Variants in IGF2BP2 observed in about 807,000 individuals in gnomAD.
The protein encoded by IGF2BP2 is insulin like growth factor 2 mRNA binding protein 2.
IGF2BP2 carries 17 observed loss-of-function variants against 75.8 expected under a neutral mutation model. That is an observed-to-expected ratio of 0.22 (90% confidence interval 0.15 to 0.34). The LOEUF is 0.34. Among genes scored for constraint, IGF2BP2 ranks in the 10% least tolerant of loss-of-function variants. The pLI is 1.00. For missense variants in IGF2BP2, 516 were observed against 772.4 expected, an observed-to-expected ratio of 0.67 and a Z score of 3.93; for synonymous variants, 288 against 295.6, an observed-to-expected ratio of 0.97 and a Z score of 0.26.
intron 2 of IGF2BP2, among the ~76,000 whole-genome samples, chr3:185,819,943 T>C (rs1413639164): frequency 6.6e-6 from 1 of 151,996 alleles, no homozygotes; most frequent in African/African-American, 2.4e-5. Flanking sequence ...AACATTCCTA[T>C]AGGAGACCAA....
intron 2 of IGF2BP2, among the ~76,000 whole-genome samples, chr3:185,707,179 C>T (rs920833032): frequency 1.6e-3 from 181 of 115,988 alleles, no homozygotes; most frequent in African/African-American, 5.7e-3. Flanking sequence ...GAGCCAAGAT[C>T]GCATCACTGC....
chr3:185,657,060 G>T (rs1186268133), intron 12 of IGF2BP2, among the ~76,000 whole-genome samples: 2 of 152,182 alleles, frequency 1.3e-5, no homozygotes, highest in African/African-American at 4.8e-5. Flanking sequence ...GACTGGGTTG[G>T]GTTGTCTGCT....
At chr3:185,681,377 C>A (rs1244492979) in intron 7 of IGF2BP2, among the ~76,000 whole-genome samples, 1 of 152,058 alleles carries the variant, frequency 6.6e-6, no homozygotes, top group African/African-American at 2.4e-5. Flanking sequence ...TAAACCTAAC[C>A]AAGGAGGTAA....
intron 2 of IGF2BP2, among the ~76,000 whole-genome samples, chr3:185,699,438 T>C (rs1723005625): frequency 6.6e-6 from 1 of 152,148 alleles, no homozygotes. Flanking sequence ...CAAGGCAAAA[T>C]GCCATTTAAA....
At chr3:185,786,660 T>C (rs1234723090) in intron 2 of IGF2BP2, among the ~76,000 whole-genome samples, 1 of 152,130 alleles carries the variant, frequency 6.6e-6, no homozygotes, top group Non-Finnish European at 1.5e-5. Context: ...TCAGCCCACC[T>C]GCACCCAGGT....
intron 2 of IGF2BP2, among the ~76,000 whole-genome samples, chr3:185,801,023 AC>A (rs1738178999): frequency 6.6e-6 from 1 of 152,200 alleles, no homozygotes; most frequent in South Asian, 2.1e-4. Context: ...AGAAAAAAAA[AC>A]AACTCCATAA....
At chr3:185,822,239 T>C (rs1741459521) in intron 2 of IGF2BP2, among the ~76,000 whole-genome samples, 1 of 152,140 alleles carries the variant, frequency 6.6e-6, no homozygotes, top group Admixed American at 6.5e-5. Flanking sequence ...ACTGTAAAGG[T>C]GGTCATCAAA....
chr3:185,725,624 A>G (rs1727216371), intron 2 of IGF2BP2, among the ~76,000 whole-genome samples: 1 of 152,182 alleles, frequency 6.6e-6, no homozygotes, highest in South Asian at 2.1e-4. Context: ...TTCTAAATAC[A>G]TGGAATTTGC....
chr3:185,720,420 C>A, intron 2 of IGF2BP2, among the ~76,000 whole-genome samples: 1 of 152,302 alleles, frequency 6.6e-6, no homozygotes, highest in Non-Finnish European at 1.5e-5. Context: ...TCTCGACTCA[C>A]CACAACTGCG....
chr3:185,661,400 G>A (rs1356707167), intron 10 of IGF2BP2, among the ~76,000 whole-genome samples: 4 of 152,076 alleles, frequency 2.6e-5, no homozygotes. Flanking sequence ...ACTTTGGGAG[G>A]CTGAGGCAGG....
At chr3:185,778,106 T>C (rs931077185) in intron 2 of IGF2BP2, among the ~76,000 whole-genome samples, 1 of 152,188 alleles carries the variant, frequency 6.6e-6, no homozygotes, top group African/African-American at 2.4e-5. Context: ...CCATCTACTT[T>C]CATTTTACAG....
At chr3:185,750,418 G>A (rs16860205) in intron 2 of IGF2BP2, among the ~76,000 whole-genome samples, 3,264 of 152,132 alleles carry the variant, frequency 0.021, 122 homozygotes, top group African/African-American at 0.075. Context: ...GAACCATCTC[G>A]CCTGGAATAA....
intron 2 of IGF2BP2, among the ~76,000 whole-genome samples, chr3:185,804,255 CA>C (rs71164543): frequency 0.39 from 34,973 of 89,422 alleles, 4,777 homozygotes; most frequent in African/African-American, 0.48. Flanking sequence ...GACTACGTCT[CA>C]AAAAAAAAAA....
chr3:185,745,177 T>A (rs1730089408), intron 2 of IGF2BP2, among the ~76,000 whole-genome samples: 1 of 152,106 alleles, frequency 6.6e-6, no homozygotes, highest in Non-Finnish European at 1.5e-5. Flanking sequence ...GGAAAAACTG[T>A]GAAAGACAAT....
rs746680034 is a variant in IGF2BP2 at position 185,689,447 on chromosome 3, C to A, written c.585G>T (p.Pro195=). 6.2e-7 allele frequency: 1 copy of A among 1,613,514 alleles called. No individual in the cohort carries two copies. The highest frequency in any genetic ancestry group is 1.1e-5 in the South Asian group (1 of 91,024). The change falls in exon 6 of 16, where the codon CCG becomes CCT. Residue 195 remains proline, a synonymous_variant. Transcript: ENST00000382199. Reference sequence around the variant, plus strand: ...ACTGGGTGGGGACCAGGATCCGCAGCGGGAAATCAATCTGTCTGGCCTGAG... The same window carrying A: ...ACTGGGTGGGGACCAGGATCCGCAGAGGGAAATCAATCTGTCTGGCCTGAG... ...GTSQARQIDF[P]LRILVPTQFV...
intron 2 of IGF2BP2, chr3:185,712,743 A>G (rs1192743038): frequency 6.6e-6 from 1 of 152,116 alleles, no homozygotes; most frequent in Middle Eastern, 3.2e-3. Flanking sequence ...AAAAAACAAT[A>G]ATCTCAACAA....
intron 7 of IGF2BP2, among the ~76,000 whole-genome samples, chr3:185,684,561 C>G (rs536169458): frequency 1.3e-5 from 2 of 152,214 alleles, no homozygotes; most frequent in South Asian, 4.2e-4. Flanking sequence ...TGTGCCACCA[C>G]GCCCAGCTAA....
chr3:185,670,065 G>A (rs1273824082), intron 10 of IGF2BP2, among the ~76,000 whole-genome samples: 1 of 152,208 alleles, frequency 6.6e-6, no homozygotes, highest in East Asian at 1.9e-4. Context: ...TACTGGATTA[G>A]AAGCTACTCT....
chr3:185,707,529 G>A (rs1376071428), intron 2 of IGF2BP2, among the ~76,000 whole-genome samples: 2 of 151,526 alleles, frequency 1.3e-5, no homozygotes, highest in Non-Finnish European at 2.9e-5. Flanking sequence ...GGATGTTCTC[G>A]AACTCCTGAC....
Sources: gnomAD v4.1 joint callset for allele counts (sites outside exome capture counted in the v4.1 genomes callset) on GRCh38, gnomAD v4.1.1 for gene constraint, MANE v1.5 for transcripts, NCBI Gene and HGNC (gene_info 2026-07-23, HGNC 2026-07-21) for gene names.